Variants in PTPRT observed in about 807,000 individuals in gnomAD.
PTPRT encodes the protein receptor-type tyrosine-protein phosphatase T.
PTPRT carries 56 observed loss-of-function variants against 176.8 expected under a neutral mutation model. The observed-to-expected ratio is 0.32, with a 90% CI of 0.26 to 0.40. The LOEUF (loss-of-function observed/expected upper bound fraction) is 0.40, where lower values mean the gene tolerates loss of function less well. PTPRT is among the 10% of genes least tolerant of loss of function. The probability of loss-of-function intolerance (pLI) is 1.00; values close to 1 mark genes in which losing one functional copy is unlikely to be tolerated. For synonymous variants in PTPRT, 783 were observed against 739.0 expected (o/e 1.06, Z -0.96); for missense variants, 1,540 against 1,908.2 (o/e 0.81, Z 3.60).
At chr20:42,104,494 C>A in intron 25 of PTPRT, 75 bp downstream of exon 25, 4 of 1,454,746 alleles carry the variant, frequency 2.7e-6, no homozygotes, top group Non-Finnish European at 3.8e-6. Context: ...TCATTTAAAC[C>A]ACCCAATCTA....
At chr20:42,834,483 A>G (rs2078147247) in intron 2 of PTPRT, among the ~76,000 whole-genome samples, 1 of 152,162 alleles carries the variant, frequency 6.6e-6, no homozygotes, top group Non-Finnish European at 1.5e-5. Context: ...TCAAATATAC[A>G]TTTATCGTAC....
intron 8 of PTPRT, among the ~76,000 whole-genome samples, chr20:42,467,667 G>A (rs1486322615): frequency 6.6e-6 from 1 of 152,028 alleles, no homozygotes; most frequent in Non-Finnish European, 1.5e-5. Flanking sequence ...CTTTCAAATG[G>A]TTAAAATATT....
chr20:42,087,364 G>T (rs989472563), intron 27 of PTPRT, among the ~76,000 whole-genome samples: 5 of 151,936 alleles, frequency 3.3e-5, no homozygotes, highest in Non-Finnish European at 7.4e-5. Flanking sequence ...CCAAGTAGTT[G>T]TGACTACAGG....
intron 8 of PTPRT, among the ~76,000 whole-genome samples, chr20:42,470,172 C>A (rs1345424125): frequency 1.3e-5 from 2 of 152,132 alleles, no homozygotes; most frequent in Non-Finnish European, 2.9e-5. Context: ...ACCTTTCAGA[C>A]CTCTTTATAC....
At chr20:42,107,653 T>C (rs1986588656) in intron 23 of PTPRT, among the ~76,000 whole-genome samples, 1 of 152,202 alleles carries the variant, frequency 6.6e-6, no homozygotes, top group Non-Finnish European at 1.5e-5. Flanking sequence ...ACGTAAGACA[T>C]GTGCCTTACA....
At chr20:42,360,943 A>G (rs1041881244) in intron 9 of PTPRT, among the ~76,000 whole-genome samples, 8 of 152,220 alleles carry the variant, frequency 5.3e-5, no homozygotes, top group African/African-American at 1.2e-4. Flanking sequence ...TTTACCAAAT[A>G]CATGAGGATT....
intron 1 of PTPRT, among the ~76,000 whole-genome samples, chr20:43,162,748 G>C (rs937700727): frequency 7.9e-6 from 1 of 126,892 alleles, no homozygotes; most frequent in African/African-American, 2.5e-5. Context: ...ACACCAAAGG[G>C]TTTGGCTTTT....
Position 42,935,424 on chromosome 20 carries a change from G to C in PTPRT, c.89-49492C>G, listed in dbSNP as rs1980127530. ...AAAAGCAATGGGATTACAGACATGAGCCACTGCACCTGGCCTGCCATAACT... is the reference window on the plus strand; with the variant it reads ...AAAAGCAATGGGATTACAGACATGACCCACTGCACCTGGCCTGCCATAACT... On this transcript the variant is annotated intron_variant, in intron 1 of 30. Coordinates refer to ENST00000373187, the MANE Select transcript of PTPRT (RefSeq NM_007050.6). 5.9e-5 allele frequency among the ~76,000 whole-genome samples: 9 copies of C among 152,148 alleles called. No individual in the cohort carries two copies. In the South Asian group the frequency reaches 1.9e-3, roughly 32 times the overall value.
At chr20:42,438,042 G>C (rs2059278340) in intron 9 of PTPRT, among the ~76,000 whole-genome samples, 1 of 152,146 alleles carries the variant, frequency 6.6e-6, no homozygotes, top group African/African-American at 2.4e-5. Flanking sequence ...TTATTGAAAG[G>C]ACCACAGCAG....
At chr20:43,122,812 T>C (rs1437660047) in intron 1 of PTPRT, among the ~76,000 whole-genome samples, 3 of 152,226 alleles carry the variant, frequency 2.0e-5, no homozygotes, top group African/African-American at 4.8e-5. Context: ...ACCTCTTTTC[T>C]TTATACATTA....
Position 42,411,914 on chromosome 20 carries a change from A to G in PTPRT, c.1560+36306T>C, listed in dbSNP as rs541295506. On this transcript the variant is annotated intron_variant, in intron 9 of 30. Transcript: ENST00000373187. Reference sequence around the variant, plus strand: ...AAGCAGTGCTTAAACAGATATCCATATGTAAGAAATCAACCTAGACCCATA... The same window carrying G: ...AAGCAGTGCTTAAACAGATATCCATGTGTAAGAAATCAACCTAGACCCATA... 2.0e-5 allele frequency among the ~76,000 whole-genome samples: 3 copies of G among 152,318 alleles called. No homozygotes were observed. In the East Asian group the frequency reaches 5.8e-4, roughly 29 times the overall value.
intron 12 of PTPRT, among the ~76,000 whole-genome samples, chr20:42,312,569 C>G (rs919295470): frequency 2.6e-5 from 4 of 152,130 alleles, no homozygotes; most frequent in African/African-American, 9.7e-5. Context: ...GCCCAGCTCC[C>G]ATTGCTTTTC....
intron 15 of PTPRT, among the ~76,000 whole-genome samples, chr20:42,214,266 G>C (rs146170241): frequency 1.3e-5 from 2 of 152,230 alleles, no homozygotes; most frequent in Admixed American, 6.5e-5. Context: ...TTTCTCAGCT[G>C]TCTCCCTTTC....
At chr20:42,206,788 C>A (rs2146712948) in intron 15 of PTPRT, among the ~76,000 whole-genome samples, 1 of 152,386 alleles carries the variant, frequency 6.6e-6, no homozygotes, top group Non-Finnish European at 1.5e-5. Context: ...GCGGAGCCCA[C>A]CACAGCACAA....
intron 7 of PTPRT, among the ~76,000 whole-genome samples, chr20:42,518,233 C>A (rs999651964): frequency 1.3e-5 from 2 of 151,892 alleles, no homozygotes; most frequent in Non-Finnish European, 1.5e-5. Flanking sequence ...CCTAGTGTCC[C>A]TTTTCCTCTA....
At chr20:43,174,638 T>C (rs938106450) in intron 1 of PTPRT, among the ~76,000 whole-genome samples, 1 of 152,210 alleles carries the variant, frequency 6.6e-6, no homozygotes, top group Admixed American at 6.5e-5. Flanking sequence ...GCTCTTCTCC[T>C]CTGTATACTC....
chr20:42,047,380 C>A, the PTPRT span, among the ~76,000 whole-genome samples: 1 of 152,162 alleles, frequency 6.6e-6, no homozygotes, highest in Admixed American at 6.5e-5. Flanking sequence ...GACAGCTTGG[C>A]AAGTGACAAG....
chr20:42,840,429 G>A (rs546143459), intron 2 of PTPRT, among the ~76,000 whole-genome samples: 37 of 151,812 alleles, frequency 2.4e-4, no homozygotes, highest in Admixed American at 6.5e-4. Flanking sequence ...TTTTTGGTGT[G>A]TGACACTGAG....
At chr20:43,038,478 A>T (rs1456279664) in intron 1 of PTPRT, among the ~76,000 whole-genome samples, 4 of 152,216 alleles carry the variant, frequency 2.6e-5, no homozygotes, top group African/African-American at 9.6e-5. Flanking sequence ...GTTCCTCAAA[A>T]TGATTAAGAA....
Sources: allele counts gnomAD v4.1 joint callset (sites outside exome capture counted in the v4.1 genomes callset), GRCh38; gene constraint gnomAD v4.1.1; transcripts MANE v1.5; gene names NCBI Gene and HGNC (gene_info 2026-07-23, HGNC 2026-07-21).